OTOP1: variants seen among roughly 807,000 people sequenced by gnomAD.
The protein encoded by OTOP1 is otopetrin 1.
A neutral mutation model predicts 52.9 loss-of-function variants in OTOP1; 59 were observed. The observed-to-expected ratio is 1.12, with a 90% confidence interval of 0.91 to 1.39. The LOEUF is 1.39. Among genes scored for constraint, OTOP1 ranks in the 40% most tolerant of loss-of-function variants. The pLI is 0.00. For missense variants in OTOP1, 761 were observed against 800.9 expected (o/e 0.95, Z 0.60); for synonymous variants, 317 against 337.7 (o/e 0.94, Z 0.67).
intron 4 of OTOP1, among the ~76,000 whole-genome samples, chr4:4,200,723 C>CTT (rs55863617): frequency 0.082 from 8,698 of 106,398 alleles, 803 homozygotes; most frequent in Admixed American, 0.17. Flanking sequence ...GCATGCCTGC[C>CTT]TTTTTTTTTT....
At chr4:4,190,413 G>A (rs972693067) in intron 5 of OTOP1, among the ~76,000 whole-genome samples, 5 of 152,202 alleles carry the variant, frequency 3.3e-5, no homozygotes, top group Non-Finnish European at 7.3e-5. Context: ...GGCGAAGCTT[G>A]CAGTAAGCCA....
intron 3 of OTOP1, among the ~76,000 whole-genome samples, chr4:4,205,571 G>A (rs562636501): frequency 6.6e-6 from 1 of 152,262 alleles, no homozygotes; most frequent in African/African-American, 2.4e-5. Flanking sequence ...AGGATTTATG[G>A]CTCTTTGTTA....
intron 5 of OTOP1, among the ~76,000 whole-genome samples, chr4:4,191,601 T>C (rs919214597): frequency 1.3e-5 from 2 of 152,200 alleles, no homozygotes; most frequent in African/African-American, 4.8e-5. Flanking sequence ...GCCCTGAACA[T>C]GCGTGGCCAG....
In OTOP1 at chr4:4,217,782, T is replaced by A. The variant is rs186462829; in HGVS notation, c.404-4778A>T. 8.2e-4 allele frequency among the ~76,000 whole-genome samples: 125 copies of A among 152,270 alleles called. 1 individual carries two copies. The highest frequency in any genetic ancestry group is 3.4e-3 in the Middle Eastern group (1 of 294). On this transcript the variant is annotated intron_variant, in intron 1 of 5. Coordinates refer to ENST00000296358, the MANE Select transcript of OTOP1 (RefSeq NM_177998.3). Reference sequence around the variant, plus strand: ...AACAGAGGGTGAGAGAAAACTGTCATCCACATAACTTGTCTGACAAAGGAC... The same window carrying A: ...AACAGAGGGTGAGAGAAAACTGTCAACCACATAACTTGTCTGACAAAGGAC...
chr4:4,220,001 ACATATATAT>A (rs1481318770), intron 1 of OTOP1, among the ~76,000 whole-genome samples: 3 of 55,414 alleles, frequency 5.4e-5, no homozygotes, highest in Admixed American at 1.3e-4. Context: ...AGGTGTATAT[ACATATATAT>A]GTATATACAT....
chr4:4,224,131 G>A (rs1560212584), intron 1 of OTOP1, among the ~76,000 whole-genome samples: 1 of 151,832 alleles, frequency 6.6e-6, no homozygotes, highest in Non-Finnish European at 1.5e-5. Context: ...GGCAGATCAC[G>A]AGGTCAGGAG....
At chr4:4,222,542 C>G (rs181747085) in intron 1 of OTOP1, among the ~76,000 whole-genome samples, 34 of 152,266 alleles carry the variant, frequency 2.2e-4, no homozygotes, top group African/African-American at 8.2e-4. Flanking sequence ...TTTTTGGCAG[C>G]CACATTCGCT....
At chr4:4,194,155 C>G (rs1354053721) in intron 5 of OTOP1, among the ~76,000 whole-genome samples, 1 of 152,108 alleles carries the variant, frequency 6.6e-6, no homozygotes, top group Non-Finnish European at 1.5e-5. Context: ...TGCCATTGCA[C>G]TACAGCCTGG....
At position 4,226,038 on chromosome 4, in the gene OTOP1, G is replaced by T. The variant is rs138143068; in HGVS notation, c.403+424C>A. Among the ~76,000 whole-genome samples the T allele has an allele frequency of 6.0e-3, 908 of 152,348 alleles. 10 individuals carry two copies. The highest frequency in any genetic ancestry group is 0.02 in the African/African-American group (842 of 41,578). ...GAGGCAGAGGTCCTGCGATGGGCGA[G>T]AAAGTTCGCGAGAATGACCCCAGCA... On this transcript the variant is annotated intron_variant, in intron 1 of 5. Coordinates refer to ENST00000296358, the MANE Select transcript of OTOP1 (RefSeq NM_177998.3).
chr4:4,223,398 G>T (rs1171478375), intron 1 of OTOP1, among the ~76,000 whole-genome samples: 1 of 133,856 alleles, frequency 7.5e-6, no homozygotes, highest in Non-Finnish European at 1.6e-5. Context: ...TGGATGGATG[G>T]ATGGACGGAC....
rs1172159425 is a variant in OTOP1, at chr4:4,225,828, C to G, written c.403+634G>C. On this transcript the variant is annotated intron_variant, in intron 1 of 5. Coordinates refer to ENST00000296358, the MANE Select transcript of OTOP1 (RefSeq NM_177998.3). ...GAGGGTACAGACATGTTGACAAGAACACTGGAGCCCAGTGCGGGCTGGGGG... is the reference window on the plus strand; with the variant it reads ...GAGGGTACAGACATGTTGACAAGAAGACTGGAGCCCAGTGCGGGCTGGGGG... 1.1e-4 allele frequency among the ~76,000 whole-genome samples: 17 copies of G among 152,166 alleles called. No individual in the cohort carries two copies. In the East Asian group the frequency reaches 3.1e-3, roughly 28 times the overall value.
At chr4:4,208,561 G>A (rs1716958181) in intron 2 of OTOP1, among the ~76,000 whole-genome samples, 1 of 152,124 alleles carries the variant, frequency 6.6e-6, no homozygotes, top group African/African-American at 2.4e-5. Context: ...TTTGTATGAG[G>A]CATCTAGAAT....
intron 1 of OTOP1, among the ~76,000 whole-genome samples, chr4:4,219,998 T>C: frequency 1.8e-5 from 1 of 54,548 alleles, no homozygotes; most frequent in Non-Finnish European, 3.4e-5. Context: ...TATAGGTGTA[T>C]ATACATATAT....
intron 5 of OTOP1, among the ~76,000 whole-genome samples, chr4:4,195,562 G>A (rs114878287): frequency 0.026 from 3,922 of 152,226 alleles, 151 homozygotes; most frequent in African/African-American, 0.087. Context: ...ATGACCATGC[G>A]GCAACAAGCA....
intron 4 of OTOP1, among the ~76,000 whole-genome samples, chr4:4,201,684 C>T (rs1453542686): frequency 6.6e-6 from 1 of 152,056 alleles, no homozygotes; most frequent in Non-Finnish European, 1.5e-5. Flanking sequence ...AGACTTGCTG[C>T]ATGTTAAAGC....
At chr4:4,196,535 C>A (rs1307247838) in intron 5 of OTOP1, among the ~76,000 whole-genome samples, 1 of 152,100 alleles carries the variant, frequency 6.6e-6, no homozygotes, top group Non-Finnish European at 1.5e-5. Context: ...GTAGCCTAGG[C>A]AACAAGAGTG....
At chr4:4,192,299 C>CGGG (rs1716527992) in intron 5 of OTOP1, among the ~76,000 whole-genome samples, 1 of 152,120 alleles carries the variant, frequency 6.6e-6, no homozygotes, top group Non-Finnish European at 1.5e-5. Flanking sequence ...GCCTCCCAGC[C>CGGG]ACCCCCACCC....
intron 1 of OTOP1, among the ~76,000 whole-genome samples, chr4:4,219,463 A>T (rs967421092): frequency 2.6e-5 from 4 of 151,908 alleles, no homozygotes; most frequent in Admixed American, 1.3e-4. Context: ...GCACTTTGGG[A>T]GGCCGAGGCG....
In OTOP1 at chr4:4,198,006, C is replaced by T. The variant is rs552563487; in HGVS notation, c.828G>A (p.Glu276=). ...GCATTGTGGAGGCCAGGATCTGATA[C>T]TCTATGTTGAAGGGGTAGAGGTAGT... ...GIYYLYPFNI[E]YQILASTMLY... Residue 276 remains glutamate, a synonymous_variant, in exon 5 of 6, where the codon GAG becomes GAA. Transcript: ENST00000296358. The T allele has an allele frequency of 3.1e-6, 5 of 1,614,070 alleles. No homozygotes were observed. The highest frequency in any genetic ancestry group is 4.2e-6 in the Non-Finnish European group (5 of 1,180,018).
Sources: gnomAD v4.1 joint callset for allele counts (sites outside exome capture counted in the v4.1 genomes callset) on GRCh38, gnomAD v4.1.1 for gene constraint, MANE v1.5 for transcripts, NCBI Gene and HGNC (gene_info 2026-07-23, HGNC 2026-07-21) for gene names.